CTLA4: variants seen among roughly 807,000 people sequenced by gnomAD.
The protein encoded by CTLA4 is cytotoxic T-lymphocyte associated protein 4, also known as cytotoxic T-lymphocyte protein 4.
A neutral mutation model predicts 20.4 loss-of-function variants in CTLA4; 3 were observed. The ratio of observed to expected loss-of-function variants is 0.15; its 90% confidence interval spans 0.07 to 0.38. CTLA4 has a LOEUF of 0.38. Ranked by LOEUF, CTLA4 falls within the 10% of genes least tolerant of loss-of-function variation. CTLA4 has a pLI of 1.00. For synonymous variants in CTLA4, 100 were observed against 105.2 expected, an observed-to-expected ratio of 0.95 and a Z score of 0.30; for missense variants, 184 against 276.8, an observed-to-expected ratio of 0.66 and a Z score of 2.38.
At chr2:203,871,019 G>T in intron 2 of CTLA4, 86 bp downstream of exon 2, 1 of 1,123,898 alleles carries the variant, frequency 8.9e-7, no homozygotes, top group East Asian at 2.6e-5. Context: ...AATTTCAGGA[G>T]GTTTACTTTT....
intron 3 of CTLA4, among the ~76,000 whole-genome samples, chr2:203,872,395 T>C (rs1222911540): frequency 6.6e-6 from 1 of 152,228 alleles, no homozygotes; most frequent in Non-Finnish European, 1.5e-5. Context: ...TTATCAAGCT[T>C]GTTCCCTTGC....
chr2:203,868,214 A>G (rs1688664279), intron 1 of CTLA4, among the ~76,000 whole-genome samples, 163 bp downstream of exon 1: 2 of 152,220 alleles, frequency 1.3e-5, no homozygotes, highest in Non-Finnish European at 1.5e-5. Context: ...AGCAGGGAGC[A>G]GTTGGGCGGC....
Position 203,867,909 on chromosome 2 carries a change from T to C in CTLA4, c.-34T>C. 6.5e-7 allele frequency: 1 copy of C among 1,538,194 alleles called. No individual in the cohort carries two copies. The highest frequency in any genetic ancestry group is 9.0e-7 in the Non-Finnish European group (1 of 1,112,180). ...AGGATCCTGAAAGGTTTTGCTCTAC[T>C]TCCTGAAGACCTGAACACCGCTCCC... On this transcript the variant is annotated 5_prime_UTR_variant, in exon 1 of 4. Coordinates refer to ENST00000648405, the MANE Select transcript of CTLA4 (RefSeq NM_005214.5).
intron 3 of CTLA4, among the ~76,000 whole-genome samples, chr2:203,872,293 C>T (rs115395872): frequency 1.3e-3 from 194 of 152,314 alleles, no homozygotes; most frequent in African/African-American, 4.4e-3. Context: ...CCAACATCCT[C>T]TACCCAACCT....
rs755080468 is a variant in CTLA4, at chr2:203,867,979, C to T, written c.37C>T (p.Leu13=). 1.2e-6 allele frequency: 2 copies of T among 1,614,062 alleles called. No homozygotes were observed. Among genetic ancestry groups the T allele is most frequent in the East Asian group, 2.2e-5 (1 of 44,898 alleles). Residue 13 remains leucine (L), a synonymous_variant, in exon 1 of 4, where the codon CTG becomes TTG. Transcript: ENST00000648405. ...CLGFQRHKAQ[L]NLATRTWPCT... ...TGGATTTCAGCGGCACAAGGCTCAG[C>T]TGAACCTGGCTACCAGGACCTGGCC...
rs1581575074 is a variant in CTLA4, at chr2:203,872,726, C to T, written c.586C>T (p.Leu196Phe). 6.2e-7 allele frequency: 1 copy of T among 1,611,664 alleles called. No individual in the cohort carries two copies. Among genetic ancestry groups the T allele is most frequent in the Non-Finnish European group, 8.5e-7 (1 of 1,177,880 alleles). Residue 196 changes from leucine to phenylalanine, a missense_variant, in exon 4 of 4, where the codon CTT becomes TTT. Coordinates refer to ENST00000648405, the MANE Select transcript of CTLA4 (RefSeq NM_005214.5). Reference protein sequence around the residue: ...LSKMLKKRSPLTTGVYVKMPP... With the variant: ...LSKMLKKRSPFTTGVYVKMPP... ...TTGACAGCTAAAGAAAAGAAGCCCT[C>T]TTACAACAGGGGTCTATGTGAAAAT...
At position 203,872,964 on chromosome 2, in the gene CTLA4, G is replaced by T. The variant is rs1164552247; in HGVS notation, c.*152G>T. On this transcript the variant is annotated 3_prime_UTR_variant, in exon 4 of 4. Coordinates refer to ENST00000648405, the MANE Select transcript of CTLA4 (RefSeq NM_005214.5). ...AAGTTGGATGCGGAACCCAAATTAC[G>T]TGTACTACAATTTAAAGCAAAGGAG... 3.3e-6 allele frequency: 2 copies of T among 614,852 alleles called. No individual in the cohort carries two copies. Among genetic ancestry groups the T allele is most frequent in the African/African-American group, 3.7e-5 (2 of 54,206 alleles). The allele number at this position is 614,852 out of a possible 1,614,324, so 38.1% of individuals were successfully genotyped here.
intron 3 of CTLA4, among the ~76,000 whole-genome samples, chr2:203,872,272 T>A (rs2105776741): frequency 6.6e-6 from 1 of 152,268 alleles, no homozygotes; most frequent in South Asian, 2.1e-4. Context: ...TACACAAAGA[T>A]ATACTCTATT....
rs1419024520 is a variant in CTLA4, at chr2:203,870,431, G to C, written c.110-155G>C. 1 of 663,038 alleles carries C rather than the reference G, an allele frequency of 1.5e-6. No homozygotes were observed. The highest frequency in any genetic ancestry group is 1.8e-5 in the African/African-American group (1 of 54,690). The allele number at this position is 663,038 out of a possible 1,614,324, so 41.1% of individuals were successfully genotyped here. On this transcript the variant is annotated intron_variant, in intron 1 of 3. Coordinates refer to ENST00000648405, the MANE Select transcript of CTLA4 (RefSeq NM_005214.5). This position sits in a 1 kb window ranked among gnomAD's most constrained non-coding sequence, Gnocchi z 5.3. The stretch of plus-strand genomic sequence containing the variant: ...AAAACAGTTGAGAGATGGAGGGGAG[G>C]CTGGGGGTGTGGAGAGGGGAAGGGG...
At position 203,873,007 on chromosome 2, in the gene CTLA4, G is replaced by A; in HGVS notation, c.*195G>A. On this transcript the variant is annotated 3_prime_UTR_variant, in exon 4 of 4. Transcript: ENST00000648405. ...CAAAGGAGTAGAAAGACAGAGCTGG[G>A]ATGTTTCTGTCACATCAGCTCCACT... 3 of 588,114 alleles carry A rather than the reference G, an allele frequency of 5.1e-6. No homozygotes were observed. Among genetic ancestry groups the A allele is most frequent in the Non-Finnish European group, 9.1e-6 (3 of 330,810 alleles). The allele number at this position is 588,114 out of a possible 1,614,324, so 36.4% of individuals were successfully genotyped here. A position where few individuals can be genotyped will look rare whatever the true frequency, so the allele number is the denominator to read the frequency against.
rs905147968 is a variant in CTLA4 at position 203,867,861 on chromosome 2, G to A, written c.-82G>A. 4.1e-6 allele frequency: 4 copies of A among 986,118 alleles called. No individual in the cohort carries two copies. In the African/African-American group the frequency reaches 6.4e-5, roughly 16 times the overall value. The allele number at this position is 986,118 out of a possible 1,614,324, so 61.1% of individuals were successfully genotyped here. ...ATATAAAGTCCTTGATTCTGTGTGG[G>A]TTCAAACACATTTCAAAGCTTCAGG... On this transcript the variant is annotated 5_prime_UTR_variant, in exon 1 of 4. Coordinates refer to ENST00000648405, the MANE Select transcript of CTLA4 (RefSeq NM_005214.5).
At chr2:203,868,838 AC>A (rs1458958237) in intron 1 of CTLA4, among the ~76,000 whole-genome samples, 3 of 152,152 alleles carry the variant, frequency 2.0e-5, no homozygotes, top group Non-Finnish European at 4.4e-5. Flanking sequence ...TTGAATCTCA[AC>A]CTTATCTCTC....
Position 203,873,177 on chromosome 2 carries a change from C to T in CTLA4, c.*365C>T, listed in dbSNP as rs1559592652. 7.4e-6 allele frequency: 3 copies of T among 403,064 alleles called. No individual in the cohort carries two copies. Among genetic ancestry groups the T allele is most frequent in the South Asian group, 1.2e-4 (1 of 8,428 alleles). 25.0% of individuals were successfully genotyped at this position (403,064 alleles called of 1,614,324 possible). ...CTATATTGTACACACCTTATATTTA[C>T]GTATGAGACGTTTATAGCCGAAATG... On this transcript the variant is annotated 3_prime_UTR_variant, in exon 4 of 4. Coordinates refer to ENST00000648405, the MANE Select transcript of CTLA4 (RefSeq NM_005214.5).
At chr2:203,868,106 T>A (rs1187351433) in intron 1 of CTLA4, 55 bp downstream of exon 1, 2 of 1,331,388 alleles carry the variant, frequency 1.5e-6, no homozygotes, top group Non-Finnish European at 2.2e-6. Context: ...CTACCTGGGT[T>A]TCATTTGTTT....
In CTLA4 at chr2:203,872,937, T is replaced by C. The variant is rs1319226681; in HGVS notation, c.*125T>C. The C allele has an allele frequency of 1.5e-6, 1 of 670,510 alleles. No individual in the cohort carries two copies. Among genetic ancestry groups the C allele is most frequent in the Non-Finnish European group, 2.6e-6 (1 of 384,784 alleles). The allele number at this position is 670,510 out of a possible 1,614,324, so 41.5% of individuals were successfully genotyped here. On this transcript the variant is annotated 3_prime_UTR_variant, in exon 4 of 4. Coordinates refer to ENST00000648405, the MANE Select transcript of CTLA4 (RefSeq NM_005214.5). ...GGGGGGAATTCATCTCTCTTTAATA[T>C]AAAGTTGGATGCGGAACCCAAATTA...
Position 203,873,118 on chromosome 2 carries a change from C to G in CTLA4, c.*306C>G, listed in dbSNP as rs1688763449. 5.9e-6 allele frequency: 3 copies of G among 506,188 alleles called. No individual in the cohort carries two copies. Among genetic ancestry groups the G allele is most frequent in the African/African-American group, 1.9e-5 (1 of 52,550 alleles). The allele number at this position is 506,188 out of a possible 1,614,324, so 31.4% of individuals were successfully genotyped here. On this transcript the variant is annotated 3_prime_UTR_variant, in exon 4 of 4. Transcript: ENST00000648405. ...AATTAAGTTAGGGAATGGCACAGCC[C>G]AAAGAAGGAAAAGGCAGGGAGCGAG...
At chr2:203,871,014 CAGG>C in intron 2 of CTLA4, 81 bp downstream of exon 2, 1 of 1,150,622 alleles carries the variant, frequency 8.7e-7, no homozygotes, top group Non-Finnish European at 1.2e-6. Flanking sequence ...TCCTTAATTT[CAGG>C]AGGTTTACTT....
At chr2:203,868,078 A>G (rs766577200) in intron 1 of CTLA4, 27 bp downstream of exon 1, 4 of 1,526,796 alleles carry the variant, frequency 2.6e-6, no homozygotes, top group Non-Finnish European at 3.6e-6. Context: ...GAGCATGAAG[A>G]TGGAGGAGGT....
At chr2:203,868,196 C>G (rs1688663907) in intron 1 of CTLA4, 145 bp downstream of exon 1, 2 of 655,478 alleles carry the variant, frequency 3.1e-6, no homozygotes, top group Non-Finnish European at 5.3e-6. Context: ...GCTCTGTATT[C>G]CAGGGCCAGC....
Sources: allele counts gnomAD v4.1 joint callset (sites outside exome capture counted in the v4.1 genomes callset), GRCh38; gene constraint gnomAD v4.1.1; non-coding constraint Gnocchi (gnomAD v3.1); transcripts MANE v1.5; gene names NCBI Gene and HGNC (gene_info 2026-07-23, HGNC 2026-07-21).